Variants in FBN2 observed in about 807,000 individuals in gnomAD.
The protein encoded by FBN2 is fibrillin 2.
FBN2 carries 105 observed loss-of-function variants against 355.6 expected under a neutral mutation model. That is an observed-to-expected ratio of 0.30 (90% CI 0.25 to 0.35). The LOEUF is 0.35. Among genes scored for constraint, FBN2 ranks in the 10% least tolerant of loss-of-function variants. FBN2 has a pLI of 1.00. For synonymous variants in FBN2, 1,350 were observed against 1,301.2 expected (o/e 1.04, Z -0.81); for missense variants, 3,280 against 3,758.7 (o/e 0.87, Z 3.33).
At chr5:128,282,287 T>C (rs1288414818) in intron 55 of FBN2, among the ~76,000 whole-genome samples, 1 of 152,160 alleles carries the variant, frequency 6.6e-6, no homozygotes, top group Non-Finnish European at 1.5e-5. Flanking sequence ...AAACACTTAC[T>C]TCAGAAATTT....
At chr5:128,340,091 T>C (rs573284540) in intron 25 of FBN2, among the ~76,000 whole-genome samples, 1 of 152,294 alleles carries the variant, frequency 6.6e-6, no homozygotes, top group Non-Finnish European at 1.5e-5. Context: ...ATAACTAAGA[T>C]TTTTAATAGA....
At position 128,286,835 on chromosome 5, in the gene FBN2, C is replaced by T; in HGVS notation, c.6895G>A (p.Ala2299Thr). Residue 2299 changes from alanine to threonine, a missense_variant, in exon 55 of 65, where the codon GCT becomes ACT. By Grantham distance (58) the Ala-to-Thr change is moderately conservative (BLOSUM62 0). Transcript: ENST00000262464. ...GATTCACAGTCGTGTAACCCTTCAG[C>T]ACATTCATCCAGATCTAGAACAAAA... ...QKMCKDLDEC[A>T]EGLHDCESRG... 1 of 1,614,092 alleles carries T rather than the reference C, an allele frequency of 6.2e-7. No individual in the cohort carries two copies. Among genetic ancestry groups the T allele is most frequent in the East Asian group, 2.2e-5 (1 of 44,884 alleles).
At chr5:128,266,258 C>T (rs940728303) in intron 62 of FBN2, among the ~76,000 whole-genome samples, 3 of 152,290 alleles carry the variant, frequency 2.0e-5, no homozygotes, top group South Asian at 2.1e-4. Flanking sequence ...CCTGATGTGT[C>T]GTACCCAGGC....
At chr5:128,400,696 G>A (rs370118965) in intron 8 of FBN2, among the ~76,000 whole-genome samples, 2 of 152,166 alleles carry the variant, frequency 1.3e-5, no homozygotes, top group South Asian at 4.1e-4. Context: ...TGTATGAAAT[G>A]AAGTTGGAAA....
At chr5:128,396,530 T>G (rs754052987) in intron 8 of FBN2, among the ~76,000 whole-genome samples, 3 of 152,186 alleles carry the variant, frequency 2.0e-5, no homozygotes, top group Admixed American at 6.5e-5. Flanking sequence ...TAGGATTTGA[T>G]GTAAGGAAGT....
rs765138465 is a variant in FBN2, at chr5:128,537,303, C to A, written c.254+47G>T. 5 of 1,603,814 alleles carry A rather than the reference C, an allele frequency of 3.1e-6. No individual in the cohort carries two copies. The African/African-American group carries it at 6.7e-5, about 21-fold the overall frequency. ...AAAGCCGCCAAACTGAGGATTCCCC[C>A]CTCCCCCAAGCCGGAGCCCTAGGTG... On this transcript the variant is annotated intron_variant, in intron 1 of 64. Transcript: ENST00000262464.
chr5:128,429,746 C>A (rs1232296935), intron 7 of FBN2, among the ~76,000 whole-genome samples: 2 of 152,064 alleles, frequency 1.3e-5, no homozygotes, highest in Non-Finnish European at 2.9e-5. Context: ...AATATTTCTT[C>A]TATCATAGTA....
At chr5:128,328,281 A>G in intron 34 of FBN2, 1 of 371,276 alleles carries the variant, frequency 2.7e-6, no homozygotes, top group South Asian at 2.6e-5. Flanking sequence ...TACAGACAGC[A>G]GTCTCAACCA....
chr5:128,466,906 G>T (rs1046968505), intron 5 of FBN2, among the ~76,000 whole-genome samples: 1 of 152,012 alleles, frequency 6.6e-6, no homozygotes, highest in Non-Finnish European at 1.5e-5. Flanking sequence ...TAAATATTTT[G>T]TCATTTTAAA....
intron 36 of FBN2, among the ~76,000 whole-genome samples, chr5:128,316,384 T>C (rs972206411): frequency 2.0e-5 from 3 of 152,242 alleles, no homozygotes; most frequent in Non-Finnish European, 4.4e-5. Context: ...TAATATTTTA[T>C]AATGTTTCAG....
chr5:128,414,843 T>G (rs1476061845), intron 7 of FBN2, among the ~76,000 whole-genome samples: 1 of 152,138 alleles, frequency 6.6e-6, no homozygotes, highest in Non-Finnish European at 1.5e-5. Context: ...TGGTATCACA[T>G]TATAACTTGG....
intron 48 of FBN2, among the ~76,000 whole-genome samples, chr5:128,292,263 A>G (rs527882738): frequency 6.6e-6 from 1 of 152,236 alleles, no homozygotes; most frequent in South Asian, 2.1e-4. Flanking sequence ...GGGCTGAGAC[A>G]TATTTTGACA....
In FBN2 at chr5:128,276,135, C is replaced by T. The variant is rs756747736; in HGVS notation, c.7497G>A (p.Pro2499=). Reference sequence around the variant, plus strand: ...TCTTGCAGATGTAGTTGCATGGTTTCGGGGACTGGGAGCATTCATCAAGGT... The same window carrying T: ...TCTTGCAGATGTAGTTGCATGGTTTTGGGGACTGGGAGCATTCATCAAGGT... The part of the protein sequence containing the change: ...CIDLDECSQS[P]KPCNYICKNT... The change falls in exon 59 of 65, where the codon CCG becomes CCA. Residue 2499 remains proline, a synonymous_variant. Transcript: ENST00000262464. 63 of 1,613,606 alleles carry T rather than the reference C, an allele frequency of 3.9e-5. No homozygotes were observed. Among genetic ancestry groups the T allele is most frequent in the African/African-American group, 9.3e-5 (7 of 74,888 alleles).
chr5:128,330,916 G>T (rs1244438748), intron 32 of FBN2, among the ~76,000 whole-genome samples: 1 of 152,144 alleles, frequency 6.6e-6, no homozygotes, highest in Non-Finnish European at 1.5e-5. Context: ...GAGATATCTA[G>T]TCAACGTGAA....
chr5:128,505,971 T>G (rs2127146029), intron 5 of FBN2, among the ~76,000 whole-genome samples: 1 of 152,320 alleles, frequency 6.6e-6, no homozygotes, highest in South Asian at 2.1e-4. Flanking sequence ...ATATAAGCTT[T>G]CATTTAGCTG....
intron 7 of FBN2, among the ~76,000 whole-genome samples, chr5:128,417,034 T>C (rs1327390601): frequency 6.6e-6 from 1 of 152,178 alleles, no homozygotes; most frequent in Non-Finnish European, 1.5e-5. Context: ...CTTTCGTAAG[T>C]GTTTTGCAGT....
Position 128,334,715 on chromosome 5 carries a change from C to G in FBN2, c.4099+4G>C, listed in dbSNP as rs1211326103. On this transcript the variant is annotated splice_donor_region_variant and intron_variant, in intron 31 of 64. Coordinates refer to ENST00000262464, the MANE Select transcript of FBN2 (RefSeq NM_001999.4). ...AATACAGAGAACACAAGCTTGAAAC[C>G]TACCTGTACATCCTGTGGTCCCCTT... 1.9e-6 allele frequency: 3 copies of G among 1,614,108 alleles called. No homozygotes were observed. The highest frequency in any genetic ancestry group is 1.1e-5 in the South Asian group (1 of 91,088).
chr5:128,442,012 C>T (rs1486854404), intron 7 of FBN2: 1 of 188,666 alleles, frequency 5.3e-6, no homozygotes, highest in African/African-American at 2.4e-5. Flanking sequence ...CAGTTTAGTA[C>T]AGAAAGTTTA....
chr5:128,309,142 A>C, intron 41 of FBN2, 105 bp downstream of exon 41: 1 of 1,254,736 alleles, frequency 8.0e-7, no homozygotes, highest in Non-Finnish European at 1.2e-6. Flanking sequence ...AATTTTTGGA[A>C]CTGAGCATCT....
Sources: gnomAD v4.1 joint callset for allele counts (sites outside exome capture counted in the v4.1 genomes callset) on GRCh38, gnomAD v4.1.1 for gene constraint, MANE v1.5 for transcripts, NCBI Gene and HGNC (gene_info 2026-07-23, HGNC 2026-07-21) for gene names.